NTAQ1: variants seen among roughly 807,000 people sequenced by gnomAD.
NTAQ1 encodes the protein N-terminal glutamine amidase 1, also known as protein N-terminal glutamine amidohydrolase.
A neutral mutation model predicts 28.2 loss-of-function variants in NTAQ1; 21 were observed. That is an observed-to-expected ratio of 0.74 (90% CI 0.53 to 1.07). The LOEUF (loss-of-function observed/expected upper bound fraction) is 1.07. NTAQ1 is among the 50% of genes least tolerant of loss of function. The pLI, the probability that NTAQ1 is intolerant of heterozygous loss-of-function variation, is 0.00. For missense variants in NTAQ1, 264 were observed against 256.6 expected, an observed-to-expected ratio of 1.03 and a Z score of -0.20; for synonymous variants, 105 against 90.0, an observed-to-expected ratio of 1.17 and a Z score of -0.94.
At chr8:123,446,955 C>G (rs909715901), downstream of NTAQ1, among the ~76,000 whole-genome samples, 3 of 152,174 alleles carry the variant, frequency 2.0e-5, no homozygotes, top group African/African-American at 7.2e-5. Flanking sequence ...GTCCTGATCT[C>G]TCCATGCTGA....
chr8:123,457,644 G>A (rs767985725), intron 6 of NTAQ1, among the ~76,000 whole-genome samples: 34 of 152,326 alleles, frequency 2.2e-4, no homozygotes, highest in Middle Eastern at 3.4e-3. Context: ...TCTGAGAAGA[G>A]AACTGGGTGG....
downstream of NTAQ1, among the ~76,000 whole-genome samples, chr8:123,452,552 G>A (rs1007271629): frequency 6.6e-6 from 1 of 151,880 alleles, no homozygotes; most frequent in East Asian, 1.9e-4. Flanking sequence ...AGCTAAGATC[G>A]AGCCATTGCA....
the NTAQ1 span, among the ~76,000 whole-genome samples, chr8:123,475,105 G>T: frequency 1.3e-5 from 2 of 151,874 alleles, no homozygotes; most frequent in African/African-American, 4.8e-5. Context: ...TATCAATATG[G>T]GCTGATGAAT....
At chr8:123,471,831 A>ATG (rs1184825102), downstream of NTAQ1, among the ~76,000 whole-genome samples, 1 of 152,214 alleles carries the variant, frequency 6.6e-6, no homozygotes, top group Non-Finnish European at 1.5e-5. Flanking sequence ...CTCATCCAAA[A>ATG]ACACTCTCAC....
intron 1 of NTAQ1, among the ~76,000 whole-genome samples, chr8:123,419,499 T>C (rs1813534029): frequency 6.6e-6 from 1 of 152,180 alleles, no homozygotes; most frequent in African/African-American, 2.4e-5. Flanking sequence ...AAGACCCTGC[T>C]TAATGATAAT....
chr8:123,436,679 G>C, intron 4 of NTAQ1, 78 bp downstream of exon 4: 1 of 1,462,898 alleles, frequency 6.8e-7, no homozygotes, highest in Non-Finnish European at 9.3e-7. Context: ...TTTTTTTTTT[G>C]ACAATTGTTT....
intron 1 of NTAQ1, among the ~76,000 whole-genome samples, chr8:123,419,823 C>T (rs1038987360): frequency 1.4e-5 from 2 of 145,632 alleles, no homozygotes; most frequent in African/African-American, 2.5e-5. Context: ...CTCCCTCCCT[C>T]TCTCCCTTTT....
downstream of NTAQ1, among the ~76,000 whole-genome samples, chr8:123,448,474 A>G (rs1469263046): frequency 6.6e-6 from 1 of 152,192 alleles, no homozygotes; most frequent in Non-Finnish European, 1.5e-5. Flanking sequence ...TTAGCCAGGT[A>G]TGGTGGCGCA....
chr8:123,449,887 C>G (rs1038858205), downstream of NTAQ1, among the ~76,000 whole-genome samples: 2 of 125,186 alleles, frequency 1.6e-5, no homozygotes, highest in Non-Finnish European at 3.4e-5. Context: ...CTCTCTCTCT[C>G]TCTCTATCTC....
intron 5 of NTAQ1, among the ~76,000 whole-genome samples, chr8:123,439,854 T>A (rs1311416686): frequency 1.3e-5 from 2 of 151,614 alleles, no homozygotes; most frequent in Non-Finnish European, 2.9e-5. Context: ...CTCAGGAGGC[T>A]GAGGCAGGAG....
chr8:123,458,449 A>G (rs1220939556), intron 6 of NTAQ1, among the ~76,000 whole-genome samples: 1 of 151,958 alleles, frequency 6.6e-6, no homozygotes, highest in Non-Finnish European at 1.5e-5. Context: ...TCTAGGTGAA[A>G]CCATTAAACA....
downstream of NTAQ1, among the ~76,000 whole-genome samples, chr8:123,446,891 A>G (rs1405442520): frequency 6.6e-5 from 10 of 152,190 alleles, no homozygotes; most frequent in Non-Finnish European, 1.5e-4. Flanking sequence ...GTCTGGTTCC[A>G]TGTTGAAAGT....
intron 6 of NTAQ1, among the ~76,000 whole-genome samples, chr8:123,461,436 A>G (rs1016705610): frequency 7.9e-5 from 12 of 152,124 alleles, no homozygotes; most frequent in Admixed American, 2.0e-4. Flanking sequence ...ACTCAACCCA[A>G]TGCAGTTTCC....
chr8:123,436,626 C>G, intron 4 of NTAQ1, 25 bp downstream of exon 4: 1 of 1,594,780 alleles, frequency 6.3e-7, no homozygotes, highest in South Asian at 1.2e-5. Context: ...GATGGATTTA[C>G]TTATTTTCTG....
intron 1 of NTAQ1, among the ~76,000 whole-genome samples, chr8:123,419,160 G>A (rs1374684707): frequency 2.2e-5 from 3 of 137,814 alleles, no homozygotes; most frequent in African/African-American, 8.3e-5. Flanking sequence ...GTGCAATGAT[G>A]CCATCTTGGC....
chr8:123,425,127 T>TAGA (rs1036295021), intron 1 of NTAQ1, among the ~76,000 whole-genome samples: 3 of 152,138 alleles, frequency 2.0e-5, no homozygotes, highest in African/African-American at 7.2e-5. Context: ...TGTCTCTCTC[T>TAGA]GTCGCCCAGG....
chr8:123,433,767 G>A (rs770194423), intron 3 of NTAQ1, among the ~76,000 whole-genome samples: 3 of 152,198 alleles, frequency 2.0e-5, no homozygotes, highest in Non-Finnish European at 2.9e-5. Context: ...CTTTTAAAAG[G>A]GTTGATCATT....
chr8:123,457,089 C>G (rs1383729271), intron 6 of NTAQ1, among the ~76,000 whole-genome samples: 1 of 152,082 alleles, frequency 6.6e-6, no homozygotes, highest in East Asian at 1.9e-4. Context: ...ATTTTTGAGA[C>G]AGAGTCTCCC....
At chr8:123,457,585 T>C (rs1815685635) in intron 6 of NTAQ1, among the ~76,000 whole-genome samples, 1 of 152,178 alleles carries the variant, frequency 6.6e-6, no homozygotes, top group African/African-American at 2.4e-5. Flanking sequence ...GTACAGAATA[T>C]CTATAGGAAT....
Sources: allele counts gnomAD v4.1 joint callset (sites outside exome capture counted in the v4.1 genomes callset), GRCh38; gene constraint gnomAD v4.1.1; transcripts MANE v1.5; gene names NCBI Gene and HGNC (gene_info 2026-07-23, HGNC 2026-07-21).